Variants in ADGRL2 observed in about 807,000 individuals in gnomAD.
ADGRL2 encodes adhesion G protein-coupled receptor L2.
ADGRL2 carries 44 observed loss-of-function variants against 157.4 expected under a neutral mutation model. That is an observed-to-expected ratio of 0.28 (90% CI 0.22 to 0.36). The LOEUF (loss-of-function observed/expected upper bound fraction) is 0.36. ADGRL2 is among the 10% of genes least tolerant of loss of function. The pLI is 1.00. For synonymous variants in ADGRL2, 585 were observed against 624.7 expected (o/e 0.94, Z 0.95); for missense variants, 1,510 against 1,768.9 (o/e 0.85, Z 2.63).
At chr1:81,326,266 A>G (rs1660894033) in intron 1 of ADGRL2, among the ~76,000 whole-genome samples, 1 of 152,184 alleles carries the variant, frequency 6.6e-6, no homozygotes, top group Non-Finnish European at 1.5e-5. Context: ...TTCAGTAATA[A>G]TTGTGTGCTT....
intron 2 of ADGRL2, chr1:81,557,524 A>AGAAAGAAAGAAG (rs1491365399): frequency 3.3e-5 from 5 of 150,128 alleles, no homozygotes; most frequent in African/African-American, 1.3e-4. Flanking sequence ...AAAGAAAGAA[A>AGAAAGAAAGAAG]GAGAAGAAAG....
upstream of ADGRL2, among the ~76,000 whole-genome samples, chr1:81,796,018 C>G (rs1427260610): frequency 6.6e-6 from 1 of 152,188 alleles, no homozygotes; most frequent in Non-Finnish European, 1.5e-5. Context: ...GAGTCTCACT[C>G]TGTTGCCCAG....
intron 2 of ADGRL2, among the ~76,000 whole-genome samples, chr1:81,549,741 A>G (rs2080099577): frequency 6.6e-6 from 1 of 152,162 alleles, no homozygotes; most frequent in Admixed American, 6.5e-5. Context: ...GCACTAAGGT[A>G]CTTTTTAGAG....
At chr1:81,354,443 A>T (rs955962617) in intron 1 of ADGRL2, among the ~76,000 whole-genome samples, 3 of 152,212 alleles carry the variant, frequency 2.0e-5, no homozygotes, top group Admixed American at 6.5e-5. Flanking sequence ...ATACACAACC[A>T]GAACCAGATT....
intron 2 of ADGRL2, among the ~76,000 whole-genome samples, chr1:81,899,542 T>C (rs2094452206): frequency 6.6e-6 from 1 of 152,130 alleles, no homozygotes; most frequent in Non-Finnish European, 1.5e-5. Context: ...GAGGAGAAAA[T>C]GGAGCAAAAC....
At chr1:81,982,937 G>T (rs1320373602) in intron 19 of ADGRL2, among the ~76,000 whole-genome samples, 3 of 151,934 alleles carry the variant, frequency 2.0e-5, no homozygotes, top group African/African-American at 7.2e-5. Flanking sequence ...TAAATGTGTT[G>T]AAATCTTTTG....
chr1:81,980,843 A>G (rs1381361311), intron 18 of ADGRL2: 1 of 702,186 alleles, frequency 1.4e-6, no homozygotes, highest in African/African-American at 1.7e-5. Flanking sequence ...TACCTGGGTA[A>G]GGTAGAACCC....
At position 81,628,313 on chromosome 1, in the gene ADGRL2, C is replaced by T. The variant is rs149082066; in HGVS notation, c.-143+47333C>T. Among the ~76,000 whole-genome samples the T allele has an allele frequency of 4.7e-3, 709 of 152,172 alleles. 6 individuals are homozygous for T. The highest frequency in any genetic ancestry group is 0.016 in the African/African-American group (669 of 41,500). ...TTACTGGGCTCTACGTGTGCCCTCTCGGAGCTATCATTTGGGTGTGTAAGT... is the reference window on the plus strand; with the variant it reads ...TTACTGGGCTCTACGTGTGCCCTCTTGGAGCTATCATTTGGGTGTGTAAGT... On this transcript the variant is annotated intron_variant, in intron 3 of 24. Transcript: ENST00000370721.
chr1:81,951,865 T>G (rs1280906738), intron 8 of ADGRL2, 92 bp from the exon 9 acceptor site: 25 of 994,870 alleles, frequency 2.5e-5, no homozygotes, highest in African/African-American at 3.3e-5. Context: ...CATTCGCAAA[T>G]TTTTTTCACC....
intron 1 of ADGRL2, among the ~76,000 whole-genome samples, chr1:81,813,502 A>G (rs2090081284): frequency 6.6e-6 from 1 of 151,588 alleles, no homozygotes; most frequent in African/African-American, 2.4e-5. Flanking sequence ...GGGCTTTTTT[A>G]TAAGTAGTAT....
At chr1:81,528,866 G>A (rs2079535405) in intron 2 of ADGRL2, among the ~76,000 whole-genome samples, 1 of 152,126 alleles carries the variant, frequency 6.6e-6, no homozygotes, top group Non-Finnish European at 1.5e-5. Flanking sequence ...GGATGGGCAG[G>A]ATTTGTATTA....
intron 2 of ADGRL2, among the ~76,000 whole-genome samples, chr1:81,791,110 G>GC (rs1357532451): frequency 6.6e-6 from 1 of 151,184 alleles, no homozygotes; most frequent in African/African-American, 2.4e-5. Flanking sequence ...AGCAGGGAGG[G>GC]CAGTGCTTCC....
At chr1:81,462,748 T>G (rs904236786) in intron 2 of ADGRL2, among the ~76,000 whole-genome samples, 2 of 152,188 alleles carry the variant, frequency 1.3e-5, no homozygotes, top group African/African-American at 4.8e-5. Context: ...AAGCTATCCA[T>G]ATTCTTTAAA....
At chr1:81,878,741 A>G (rs914528859) in intron 2 of ADGRL2, among the ~76,000 whole-genome samples, 2 of 152,184 alleles carry the variant, frequency 1.3e-5, no homozygotes, top group African/African-American at 2.4e-5. Flanking sequence ...AATGTCACAT[A>G]AAAGGCTAAA....
intron 3 of ADGRL2, among the ~76,000 whole-genome samples, chr1:81,690,445 A>G (rs938653522): frequency 6.6e-6 from 1 of 152,074 alleles, no homozygotes; most frequent in Non-Finnish European, 1.5e-5. Context: ...GCGGTGAGCC[A>G]AGATCTCACC....
intron 1 of ADGRL2, among the ~76,000 whole-genome samples, chr1:81,723,886 T>C (rs1446434313): frequency 6.6e-6 from 1 of 152,174 alleles, no homozygotes; most frequent in Non-Finnish European, 1.5e-5. Context: ...GTCCAGTATA[T>C]CTAATAAATG....
chr1:81,439,808 G>T (rs2077474556), intron 1 of ADGRL2, among the ~76,000 whole-genome samples: 1 of 152,252 alleles, frequency 6.6e-6, no homozygotes, highest in South Asian at 2.1e-4. Context: ...CAAAGGGCTG[G>T]TGTGACAGCC....
intron 3 of ADGRL2, among the ~76,000 whole-genome samples, chr1:81,679,144 T>C (rs532547420): frequency 6.6e-6 from 1 of 151,524 alleles, no homozygotes; most frequent in Non-Finnish European, 1.5e-5. Flanking sequence ...ATTCAGAGAG[T>C]AGGAAAACTA....
At chr1:81,798,496 A>T (rs2087705701), upstream of ADGRL2, among the ~76,000 whole-genome samples, 1 of 152,084 alleles carries the variant, frequency 6.6e-6, no homozygotes, top group Admixed American at 6.5e-5. Flanking sequence ...TTTAGGAGAA[A>T]AGTGTGGAAC....
Sources: gnomAD v4.1 joint callset for allele counts (sites outside exome capture counted in the v4.1 genomes callset) on GRCh38, gnomAD v4.1.1 for gene constraint, MANE v1.5 for transcripts, NCBI Gene and HGNC (gene_info 2026-07-23, HGNC 2026-07-21) for gene names.